Variants in TMEM178B observed in about 807,000 individuals in gnomAD.
The protein encoded by TMEM178B is transmembrane protein 178B.
Under a neutral mutation model 31.0 loss-of-function variants are expected in TMEM178B, and 5 were observed. That is an observed-to-expected ratio of 0.16 (90% confidence interval 0.08 to 0.34). The LOEUF is 0.34. Ranked by LOEUF, TMEM178B falls within the 10% of genes least tolerant of loss-of-function variation. The pLI is 1.00. For synonymous variants in TMEM178B, 164 were observed against 164.0 expected (o/e 1.00, Z 0.00); for missense variants, 275 against 400.3 (o/e 0.69, Z 2.67).
chr7:141,284,655 C>G (rs1290324202), intron 2 of TMEM178B, among the ~76,000 whole-genome samples: 1 of 152,142 alleles, frequency 6.6e-6, no homozygotes, highest in Non-Finnish European at 1.5e-5. Flanking sequence ...ATGCCATGGT[C>G]TTATTCCAAA....
chr7:141,178,515 A>T (rs538952537), intron 1 of TMEM178B, among the ~76,000 whole-genome samples: 1 of 152,344 alleles, frequency 6.6e-6, no homozygotes, highest in South Asian at 2.1e-4. Flanking sequence ...ACCTACACAA[A>T]GCTTAAAACA....
intron 2 of TMEM178B, among the ~76,000 whole-genome samples, chr7:141,304,874 A>C (rs1452046570): frequency 6.6e-6 from 1 of 152,048 alleles, no homozygotes; most frequent in Admixed American, 6.5e-5. Flanking sequence ...ACTGGCATCC[A>C]TCTCTTCCTT....
At chr7:141,321,333 G>C (rs1037018408) in intron 2 of TMEM178B, among the ~76,000 whole-genome samples, 5 of 152,186 alleles carry the variant, frequency 3.3e-5, no homozygotes, top group African/African-American at 1.2e-4. Context: ...CCCCTCACAG[G>C]CATGGGCATC....
chr7:141,198,422 A>G (rs1796820777), intron 1 of TMEM178B, among the ~76,000 whole-genome samples: 2 of 152,220 alleles, frequency 1.3e-5, no homozygotes, highest in South Asian at 2.1e-4. Flanking sequence ...TGACTCATGA[A>G]CAATCATTTT....
intron 2 of TMEM178B, among the ~76,000 whole-genome samples, chr7:141,238,608 C>A (rs1167442049): frequency 1.3e-5 from 2 of 152,298 alleles, no homozygotes; most frequent in African/African-American, 4.8e-5. Context: ...ACCCAGAAGA[C>A]CATCTCTGGG....
chr7:141,385,936 G>T (rs1353355249), intron 2 of TMEM178B, among the ~76,000 whole-genome samples: 1 of 152,244 alleles, frequency 6.6e-6, no homozygotes, highest in Non-Finnish European at 1.5e-5. Flanking sequence ...GTTGCAGAGA[G>T]ATTGGACTCT....
chr7:141,230,900 CTG>C (rs1346939811), intron 2 of TMEM178B, among the ~76,000 whole-genome samples: 1 of 152,192 alleles, frequency 6.6e-6, no homozygotes, highest in Non-Finnish European at 1.5e-5. Flanking sequence ...CAGGGTCTCT[CTG>C]TGTTGCCCAG....
chr7:141,327,891 G>A (rs1318911500), intron 2 of TMEM178B, among the ~76,000 whole-genome samples: 3 of 152,168 alleles, frequency 2.0e-5, no homozygotes, highest in Non-Finnish European at 4.4e-5. Context: ...AATTCAGCAT[G>A]AACACTAAGT....
intron 2 of TMEM178B, among the ~76,000 whole-genome samples, chr7:141,255,866 C>T (rs1159477660): frequency 2.6e-5 from 4 of 152,146 alleles, no homozygotes; most frequent in Non-Finnish European, 5.9e-5. Flanking sequence ...TTTGGGGCTT[C>T]TAACTAAAGC....
intron 2 of TMEM178B, among the ~76,000 whole-genome samples, chr7:141,434,480 T>C (rs1801497694): frequency 2.0e-5 from 3 of 152,212 alleles, no homozygotes; most frequent in African/African-American, 7.2e-5. Context: ...CGTTTATACC[T>C]CCTGTTTGTT....
intron 2 of TMEM178B, among the ~76,000 whole-genome samples, chr7:141,415,776 T>G (rs1454208950): frequency 3.3e-5 from 5 of 152,096 alleles, no homozygotes; most frequent in Admixed American, 6.5e-5. Flanking sequence ...AAACTGGGTT[T>G]TAGAAGTTCT....
intron 2 of TMEM178B, among the ~76,000 whole-genome samples, chr7:141,245,079 C>T (rs770302261): frequency 7.1e-6 from 1 of 139,922 alleles, no homozygotes; most frequent in African/African-American, 2.6e-5. Flanking sequence ...AAGAGAATTG[C>T]TTGAACCTGG....
chr7:141,465,052 A>C (rs182831202), intron 3 of TMEM178B, among the ~76,000 whole-genome samples: 212 of 152,328 alleles, frequency 1.4e-3, no homozygotes, highest in African/African-American at 4.6e-3. Flanking sequence ...TATTTATTCT[A>C]GTTCTTGGAT....
At chr7:141,148,259 G>A (rs1180673830) in intron 1 of TMEM178B, among the ~76,000 whole-genome samples, 1 of 151,952 alleles carries the variant, frequency 6.6e-6, no homozygotes, top group Non-Finnish European at 1.5e-5. Context: ...GATTACATTG[G>A]GCCTACCTAG....
chr7:141,161,605 G>A (rs1484125627), intron 1 of TMEM178B, among the ~76,000 whole-genome samples: 1 of 152,168 alleles, frequency 6.6e-6, no homozygotes, highest in Non-Finnish European at 1.5e-5. Flanking sequence ...GGGACTGGCA[G>A]CAGTGGTCCC....
At chr7:141,489,358 C>T in the TMEM178B span, among the ~76,000 whole-genome samples, 1 of 152,134 alleles carries the variant, frequency 6.6e-6, no homozygotes, top group Non-Finnish European at 1.5e-5. Context: ...CCCCTTTGTC[C>T]CTTAATAATT....
intron 2 of TMEM178B, among the ~76,000 whole-genome samples, chr7:141,351,426 T>C (rs1409294242): frequency 2.6e-5 from 4 of 152,244 alleles, no homozygotes; most frequent in Admixed American, 6.5e-5. Context: ...CTTGTTTACA[T>C]GGCAGTTTGG....
intron 2 of TMEM178B, among the ~76,000 whole-genome samples, chr7:141,402,965 G>A (rs562703376): frequency 7.2e-5 from 11 of 152,346 alleles, no homozygotes; most frequent in South Asian, 4.1e-4. Flanking sequence ...GCTATTTTCC[G>A]TAATCCTATG....
intron 2 of TMEM178B, among the ~76,000 whole-genome samples, chr7:141,285,145 T>C (rs1301283065): frequency 1.5e-5 from 2 of 136,428 alleles, no homozygotes; most frequent in Non-Finnish European, 3.1e-5. Flanking sequence ...CAATTCAGGA[T>C]TCTTGTTTCT....
Sources: allele counts gnomAD v4.1 joint callset (sites outside exome capture counted in the v4.1 genomes callset), GRCh38; gene constraint gnomAD v4.1.1; transcripts MANE v1.5; gene names NCBI Gene and HGNC (gene_info 2026-07-23, HGNC 2026-07-21).